The following PRKN variants were observed in gnomAD, a reference collection of about 807,000 sequenced individuals.
The protein encoded by PRKN is parkin RBR E3 ubiquitin protein ligase.
Under a neutral mutation model 59.5 loss-of-function variants are expected in PRKN, and 56 were observed. The ratio of observed to expected loss-of-function variants is 0.94; its 90% CI spans 0.76 to 1.18. The LOEUF is 1.18. PRKN is among the 50% of genes most tolerant of loss of function. The pLI is 0.00. For synonymous variants in PRKN, 250 were observed against 222.1 expected (o/e 1.13, Z -1.12); for missense variants, 657 against 596.4 (o/e 1.10, Z -1.06).
chr6:162,331,770 G>A (rs1002102596), intron 2 of PRKN, among the ~76,000 whole-genome samples: 4 of 152,196 alleles, frequency 2.6e-5, no homozygotes, highest in East Asian at 1.9e-4. Context: ...GCCATAGTAC[G>A]TGTCTGATTG....
chr6:162,374,899 T>C (rs968382174), intron 2 of PRKN, among the ~76,000 whole-genome samples: 8 of 152,166 alleles, frequency 5.3e-5, no homozygotes, highest in African/African-American at 1.2e-4. Context: ...GTTAGATAAA[T>C]AGTATTTGTT....
rs555152918 is a variant in PRKN at position 161,591,887 on chromosome 6, AT to A, written c.872-22472del. 4.2e-4 allele frequency among the ~76,000 whole-genome samples: 63 copies of A among 149,872 alleles called. No individual in the cohort carries two copies. The South Asian group carries it at 8.1e-3, about 19-fold the overall frequency. On this transcript the variant is annotated intron_variant, in intron 7 of 11. Coordinates refer to ENST00000366898, the MANE Select transcript of PRKN (RefSeq NM_004562.3). ...TTTTCTAACAGGATATTGAATATGC[AT>A]TTTTTTTTTAAGAATCCAAGCCTTA...
At chr6:161,426,892 C>T (rs1241613353) in intron 9 of PRKN, among the ~76,000 whole-genome samples, 2 of 150,228 alleles carry the variant, frequency 1.3e-5, no homozygotes, top group South Asian at 2.1e-4. Context: ...CTAATTTTTT[C>T]GTATTTTTAG....
At chr6:162,449,538 GTTT>G (rs1790489575) in intron 1 of PRKN, among the ~76,000 whole-genome samples, 1 of 151,680 alleles carries the variant, frequency 6.6e-6, no homozygotes, top group Admixed American at 6.6e-5. Context: ...TTTATAGCTC[GTTT>G]TTTATTTTTT....
intron 7 of PRKN, among the ~76,000 whole-genome samples, chr6:161,614,871 G>A (rs1782629169): frequency 6.6e-6 from 1 of 152,080 alleles, no homozygotes; most frequent in African/African-American, 2.4e-5. Context: ...ATTTGGAGGT[G>A]GATACTGAAG....
chr6:162,594,140 ACT>A (rs1303210111), intron 1 of PRKN, among the ~76,000 whole-genome samples: 6 of 151,778 alleles, frequency 4.0e-5, no homozygotes, highest in African/African-American at 7.3e-5. Context: ...ACAGGGCAAG[ACT>A]CTCTCAAAAA....
At chr6:162,658,815 T>C (rs1025929658) in intron 1 of PRKN, among the ~76,000 whole-genome samples, 7 of 152,000 alleles carry the variant, frequency 4.6e-5, no homozygotes, top group Admixed American at 4.6e-4. Context: ...ATATAAGTCA[T>C]GTGAATTGCA....
intron 2 of PRKN, among the ~76,000 whole-genome samples, chr6:162,359,729 A>G (rs1785054507): frequency 6.6e-6 from 1 of 152,152 alleles, no homozygotes; most frequent in African/African-American, 2.4e-5. Context: ...GTGGTCAAAT[A>G]CGTTCAAGAA....
chr6:162,071,942 TC>T (rs1305997727), intron 4 of PRKN, among the ~76,000 whole-genome samples: 1 of 152,170 alleles, frequency 6.6e-6, no homozygotes, highest in African/African-American at 2.4e-5. Context: ...TCTTCATTTC[TC>T]CTAGTGTTTG....
chr6:162,708,021 CT>C (rs914152086), intron 1 of PRKN, among the ~76,000 whole-genome samples: 1 of 152,144 alleles, frequency 6.6e-6, no homozygotes, highest in African/African-American at 2.4e-5. Flanking sequence ...TGGATTTTCA[CT>C]TTTTTGTGTA....
At position 161,483,816 on chromosome 6, in the gene PRKN, T is replaced by A. The variant is rs1320773264; in HGVS notation, c.1083+65038A>T. On this transcript the variant is annotated intron_variant, in intron 9 of 11. Transcript: ENST00000366898. This position sits in a 1 kb window ranked among gnomAD's most constrained non-coding sequence, Gnocchi z 5.0. ...GATAGACTGGATAAAGAAAATGTGG[T>A]CCATATATATCATGGAATACTATGC... Among the ~76,000 whole-genome samples, 1 of 152,114 alleles carries A rather than the reference T, an allele frequency of 6.6e-6. No homozygotes were observed. Among genetic ancestry groups the A allele is most frequent in the African/African-American group, 2.4e-5 (1 of 41,420 alleles).
At chr6:161,728,844 AG>A (rs1787558663) in intron 7 of PRKN, among the ~76,000 whole-genome samples, 1 of 152,196 alleles carries the variant, frequency 6.6e-6, no homozygotes, top group Admixed American at 6.5e-5. Flanking sequence ...GCCTAATAGC[AG>A]GAACATATTT....
intron 5 of PRKN, among the ~76,000 whole-genome samples, chr6:162,044,091 T>G (rs1421641132): frequency 6.6e-6 from 1 of 152,222 alleles, no homozygotes; most frequent in East Asian, 1.9e-4. Context: ...TTGCCAGGGA[T>G]TCAAGGAAGG....
At chr6:162,326,385 T>C (rs1041138559) in intron 2 of PRKN, among the ~76,000 whole-genome samples, 2 of 152,118 alleles carry the variant, frequency 1.3e-5, no homozygotes, top group African/African-American at 4.8e-5. Context: ...GTTTGCACTT[T>C]TATCATTTGC....
intron 10 of PRKN, among the ~76,000 whole-genome samples, chr6:161,374,374 A>G (rs1785567131): frequency 7.1e-6 from 1 of 140,712 alleles, no homozygotes; most frequent in Admixed American, 7.1e-5. Context: ...TGTGTTGTGT[A>G]TGTGTGGTGT....
intron 9 of PRKN, among the ~76,000 whole-genome samples, chr6:161,489,963 A>G (rs1485451935): frequency 6.6e-6 from 1 of 152,206 alleles, no homozygotes; most frequent in Non-Finnish European, 1.5e-5. Flanking sequence ...TAAGCTGGGC[A>G]TCCAATTTCC....
intron 9 of PRKN, among the ~76,000 whole-genome samples, chr6:161,418,435 C>G (rs953285974): frequency 6.6e-6 from 1 of 152,200 alleles, no homozygotes; most frequent in Non-Finnish European, 1.5e-5. Context: ...TCGGCCTTGA[C>G]GTGGTTTGAT....
chr6:162,135,971 C>CT (rs1781547940), intron 4 of PRKN, among the ~76,000 whole-genome samples: 1 of 152,034 alleles, frequency 6.6e-6, no homozygotes, highest in South Asian at 2.1e-4. Context: ...GATTTTCTCA[C>CT]TGAAGCCTTG....
chr6:162,564,073 G>A (rs1257495708), intron 1 of PRKN, among the ~76,000 whole-genome samples: 1 of 152,076 alleles, frequency 6.6e-6, no homozygotes, highest in Non-Finnish European at 1.5e-5. Flanking sequence ...TGGGCTGGGT[G>A]CGGTGGCTCA....
Sources: allele counts gnomAD v4.1 joint callset (sites outside exome capture counted in the v4.1 genomes callset), GRCh38; gene constraint gnomAD v4.1.1; non-coding constraint Gnocchi (gnomAD v3.1); transcripts MANE v1.5; gene names NCBI Gene and HGNC (gene_info 2026-07-23, HGNC 2026-07-21).